Variants in NOL4 observed in about 807,000 individuals in gnomAD.
NOL4 encodes nucleolar protein 4.
In NOL4, 17 loss-of-function variants were observed where a neutral mutation model predicts 75.9. The observed-to-expected ratio is 0.22, with a 90% CI of 0.15 to 0.34. The LOEUF is 0.34. Ranked by LOEUF, NOL4 falls within the 10% of genes least tolerant of loss-of-function variation. The probability of loss-of-function intolerance (pLI) is 1.00; values close to 1 mark genes in which losing one functional copy is unlikely to be tolerated. For missense variants in NOL4, 614 were observed against 793.5 expected, an observed-to-expected ratio of 0.77 and a Z score of 2.72; for synonymous variants, 292 against 289.9, an observed-to-expected ratio of 1.01 and a Z score of -0.07.
chr18:33,924,005 A>AGTACTC (rs1388040860), intron 9 of NOL4, among the ~76,000 whole-genome samples: 10 of 152,178 alleles, frequency 6.6e-5, no homozygotes, highest in African/African-American at 2.4e-4. Context: ...AGTACTTAAA[A>AGTACTC]ATTAGATAAG....
intron 1 of NOL4, among the ~76,000 whole-genome samples, chr18:34,198,927 A>G (rs1383090134): frequency 1.3e-5 from 2 of 151,798 alleles, no homozygotes; most frequent in African/African-American, 2.4e-5. Flanking sequence ...GCCTGTGTTA[A>G]GTGTATCATT....
chr18:34,205,959 T>C (rs978373234), intron 1 of NOL4, among the ~76,000 whole-genome samples: 4 of 152,192 alleles, frequency 2.6e-5, no homozygotes, highest in Non-Finnish European at 5.9e-5. Flanking sequence ...CATTTTATCT[T>C]TAATATTAGC....
rs190574070 is a variant in NOL4, at chr18:34,080,857, A to G, written c.772+12608T>C. 9.2e-5 allele frequency among the ~76,000 whole-genome samples: 14 copies of G among 152,364 alleles called. No homozygotes were observed. The East Asian group carries it at 2.3e-3, about 25-fold the overall frequency. On this transcript the variant is annotated intron_variant, in intron 5 of 10. Coordinates refer to ENST00000261592, the MANE Select transcript of NOL4 (RefSeq NM_003787.5). ...CTTTGAAATGGGAATAATGTGTGAC[A>G]TAAGATACTAATTTGATTGTTAAAC...
chr18:34,187,147 G>A (rs1327955084), intron 1 of NOL4, among the ~76,000 whole-genome samples: 1 of 152,000 alleles, frequency 6.6e-6, no homozygotes, highest in Non-Finnish European at 1.5e-5. Context: ...ATACAGAATA[G>A]TTTTATTGCC....
chr18:34,089,418 A>T (rs866644753), intron 5 of NOL4, among the ~76,000 whole-genome samples: 4 of 152,224 alleles, frequency 2.6e-5, no homozygotes, highest in African/African-American at 9.6e-5. Flanking sequence ...TGCAGAGAAC[A>T]GAGTTTAACT....
chr18:34,155,174 A>G (rs2030142948), intron 1 of NOL4, among the ~76,000 whole-genome samples: 1 of 151,916 alleles, frequency 6.6e-6, no homozygotes, highest in South Asian at 2.1e-4. Context: ...TTAAAAATGT[A>G]ACATATATAT....
chr18:34,020,914 A>C (rs964989660), intron 5 of NOL4, among the ~76,000 whole-genome samples: 6 of 152,330 alleles, frequency 3.9e-5, no homozygotes, highest in African/African-American at 1.4e-4. Flanking sequence ...GAAATCATAT[A>C]AATATGGCTG....
intron 10 of NOL4, among the ~76,000 whole-genome samples, chr18:33,855,795 T>G (rs1018891474): frequency 4.6e-5 from 7 of 152,190 alleles, no homozygotes; most frequent in African/African-American, 1.7e-4. Context: ...TAAATGAAAA[T>G]GTATATTTTC....
At chr18:34,200,948 T>TA (rs1266357542) in intron 1 of NOL4, among the ~76,000 whole-genome samples, 1 of 151,714 alleles carries the variant, frequency 6.6e-6, no homozygotes, top group Non-Finnish European at 1.5e-5. Context: ...GCTTCTGACT[T>TA]AAAAAAGAGG....
At chr18:34,144,833 T>G (rs547375051) in intron 1 of NOL4, among the ~76,000 whole-genome samples, 3 of 152,158 alleles carry the variant, frequency 2.0e-5, no homozygotes, top group Admixed American at 1.3e-4. Context: ...AAGGCTGACA[T>G]GCAGTTCTCC....
chr18:33,971,378 C>A (rs2071046348), intron 6 of NOL4, among the ~76,000 whole-genome samples: 1 of 152,060 alleles, frequency 6.6e-6, no homozygotes, highest in Non-Finnish European at 1.5e-5. Flanking sequence ...AGAAAGTGTT[C>A]TGTGTATGAG....
At chr18:33,888,012 T>C (rs2064866898) in intron 9 of NOL4, among the ~76,000 whole-genome samples, 1 of 152,204 alleles carries the variant, frequency 6.6e-6, no homozygotes, top group African/African-American at 2.4e-5. Context: ...TCCACAATGG[T>C]TGAACTAGTT....
intron 9 of NOL4, among the ~76,000 whole-genome samples, chr18:33,918,470 G>A (rs1198441325): frequency 6.6e-6 from 1 of 151,574 alleles, no homozygotes; most frequent in East Asian, 1.9e-4. Flanking sequence ...TCCTCTCAAG[G>A]GCAAAACCAC....
At chr18:34,213,280 T>C (rs947902535) in intron 1 of NOL4, among the ~76,000 whole-genome samples, 3 of 152,086 alleles carry the variant, frequency 2.0e-5, no homozygotes, top group African/African-American at 7.2e-5. Flanking sequence ...CTGTTCTTAT[T>C]TACTTATTTA....
At chr18:34,107,638 C>T (rs1166252159) in intron 2 of NOL4, among the ~76,000 whole-genome samples, 1 of 150,028 alleles carries the variant, frequency 6.7e-6, no homozygotes, top group African/African-American at 2.5e-5. Flanking sequence ...ACATCTCATA[C>T]TCATTTCTGA....
chr18:33,900,003 G>A (rs1016085736), intron 9 of NOL4, among the ~76,000 whole-genome samples: 6 of 152,082 alleles, frequency 3.9e-5, no homozygotes, highest in African/African-American at 1.4e-4. Context: ...TTGTTAACCT[G>A]CAACTACAGA....
chr18:33,893,753 A>G (rs1229708202), intron 9 of NOL4, among the ~76,000 whole-genome samples: 1 of 152,156 alleles, frequency 6.6e-6, no homozygotes, highest in Non-Finnish European at 1.5e-5. Context: ...ATATTTTTAT[A>G]GCACTTTGAA....
intron 6 of NOL4, among the ~76,000 whole-genome samples, chr18:33,994,361 C>A (rs1395808049): frequency 1.3e-5 from 2 of 151,824 alleles, no homozygotes; most frequent in Non-Finnish European, 2.9e-5. Context: ...TATATGTATT[C>A]TTTTCAAGTG....
At chr18:33,885,132 T>C (rs1259806625) in intron 9 of NOL4, among the ~76,000 whole-genome samples, 3 of 151,296 alleles carry the variant, frequency 2.0e-5, no homozygotes, top group Non-Finnish European at 2.9e-5. Flanking sequence ...AATGTTGATA[T>C]AAATTTATTT....
Sources: gnomAD v4.1 joint callset for allele counts (sites outside exome capture counted in the v4.1 genomes callset) on GRCh38, gnomAD v4.1.1 for gene constraint, MANE v1.5 for transcripts, NCBI Gene and HGNC (gene_info 2026-07-23, HGNC 2026-07-21) for gene names.